The following SUGCT variants were observed in gnomAD, a reference collection of about 807,000 sequenced individuals.
SUGCT encodes succinyl-CoA:glutarate CoA-transferase.
A neutral mutation model predicts 55.0 loss-of-function variants in SUGCT; 41 were observed. The observed-to-expected ratio is 0.74, with a 90% confidence interval of 0.58 to 0.97. SUGCT has a LOEUF of 0.97. Ranked by LOEUF, SUGCT falls within the 50% of genes least tolerant of loss-of-function variation. The pLI is 0.00. For missense variants in SUGCT, 568 were observed against 547.8 expected (o/e 1.04, Z -0.37); for synonymous variants, 187 against 200.4 (o/e 0.93, Z 0.56).
chr7:40,581,248 C>G (rs1270157820), intron 12 of SUGCT, among the ~76,000 whole-genome samples: 1 of 152,048 alleles, frequency 6.6e-6, no homozygotes, highest in Non-Finnish European at 1.5e-5. Context: ...ATTAAAAACT[C>G]TATAATTGCA....
intron 10 of SUGCT, among the ~76,000 whole-genome samples, chr7:40,454,619 A>G (rs988829231): frequency 5.4e-4 from 1 of 1,842 alleles, no homozygotes; most frequent in Admixed American, 3.0e-3. Flanking sequence ...CCAGAGGGGG[A>G]AAAAATGTAT....
At chr7:40,278,858 G>T (rs1212201662) in intron 8 of SUGCT, among the ~76,000 whole-genome samples, 4 of 148,420 alleles carry the variant, frequency 2.7e-5, no homozygotes, top group Non-Finnish European at 5.9e-5. Flanking sequence ...ATACGGTCTC[G>T]TGCTTTTGTC....
intron 13 of SUGCT, among the ~76,000 whole-genome samples, chr7:40,776,777 C>G (rs2128733365): frequency 6.6e-6 from 1 of 152,244 alleles, no homozygotes. Context: ...CCTCCCATGC[C>G]AGTGACAGAC....
At chr7:40,543,503 A>C (rs1478880840) in intron 12 of SUGCT, among the ~76,000 whole-genome samples, 1 of 152,188 alleles carries the variant, frequency 6.6e-6, no homozygotes, top group Non-Finnish European at 1.5e-5. Flanking sequence ...AACATCTTGC[A>C]GTTTGAAGAA....
At chr7:40,337,243 TTCTGTAGATG>T (rs1050305615) in intron 9 of SUGCT, among the ~76,000 whole-genome samples, 2 of 152,098 alleles carry the variant, frequency 1.3e-5, no homozygotes, top group Non-Finnish European at 2.9e-5. Context: ...GGATGGAGAG[TTCTGTAGATG>T]TCTATTACTT....
intron 9 of SUGCT, among the ~76,000 whole-genome samples, chr7:40,434,000 A>C (rs7782940): frequency 6.6e-6 from 1 of 152,096 alleles, no homozygotes; most frequent in Non-Finnish European, 1.5e-5. Flanking sequence ...TACATACCAC[A>C]TATGTTATTA....
chr7:40,148,439 G>A (rs1275951804), intron 1 of SUGCT, among the ~76,000 whole-genome samples: 3 of 152,138 alleles, frequency 2.0e-5, no homozygotes, highest in African/African-American at 4.8e-5. Flanking sequence ...GAGGTCGAGA[G>A]TTGGAGACCA....
At chr7:40,351,982 G>A (rs1238062247) in intron 9 of SUGCT, among the ~76,000 whole-genome samples, 1 of 152,180 alleles carries the variant, frequency 6.6e-6, no homozygotes, top group Admixed American at 6.5e-5. Context: ...GTGTTGCTGG[G>A]CATTAAGAGT....
intron 6 of SUGCT, among the ~76,000 whole-genome samples, chr7:40,206,040 A>G (rs940702855): frequency 2.6e-5 from 4 of 152,208 alleles, no homozygotes; most frequent in African/African-American, 9.6e-5. Flanking sequence ...CAGTAAAAGG[A>G]AAAAGATGAC....
chr7:40,906,382 A>T, the SUGCT span, among the ~76,000 whole-genome samples: 1 of 152,198 alleles, frequency 6.6e-6, no homozygotes, highest in South Asian at 2.1e-4. Flanking sequence ...TGAGTCTTGG[A>T]TATATTTAAT....
Position 40,449,335 on chromosome 7 carries a change from C to A in SUGCT, c.865C>A (p.Gln289Lys). The change falls in exon 10 of 14, where the codon CAG becomes AAG. Residue 289 changes from glutamine to lysine, a missense_variant. Coordinates refer to ENST00000335693, the MANE Select transcript of SUGCT (RefSeq NM_001193313.2). ...GYIVVGAGNN[Q>K]QFATVCKILD... is the part of the protein sequence containing the mutation. ...TATTGTAGTTGGAGCAGGAAATAACCAGCAGTTTGCCACCGTCTGCAAGGT... is the reference window on the plus strand; with the variant it reads ...TATTGTAGTTGGAGCAGGAAATAACAAGCAGTTTGCCACCGTCTGCAAGGT... The A allele has an allele frequency of 6.2e-7, 1 of 1,612,162 alleles. No individual in the cohort carries two copies. Among genetic ancestry groups the A allele is most frequent in the East Asian group, 2.2e-5 (1 of 44,798 alleles).
chr7:40,296,873 C>T (rs979431543), intron 8 of SUGCT, among the ~76,000 whole-genome samples: 24 of 152,082 alleles, frequency 1.6e-4, no homozygotes, highest in Non-Finnish European at 3.1e-4. Context: ...GGAGCATGGA[C>T]TCTGGAGCCA....
chr7:40,857,402 C>T (rs1794236333), intron 13 of SUGCT, among the ~76,000 whole-genome samples: 1 of 152,126 alleles, frequency 6.6e-6, no homozygotes, highest in Non-Finnish European at 1.5e-5. Context: ...TTTATTTGTC[C>T]CGTTGCAGTC....
At chr7:40,282,622 G>T (rs1163855335) in intron 8 of SUGCT, among the ~76,000 whole-genome samples, 1 of 152,148 alleles carries the variant, frequency 6.6e-6, no homozygotes, top group East Asian at 1.9e-4. Flanking sequence ...CAGTGCAGTG[G>T]CCTGTAATCC....
intron 7 of SUGCT, among the ~76,000 whole-genome samples, chr7:40,246,438 C>T (rs1053224866): frequency 2.6e-5 from 4 of 151,740 alleles, no homozygotes; most frequent in Non-Finnish European, 5.9e-5. Flanking sequence ...TTGGTAGAGA[C>T]TGGGTTTCAC....
chr7:40,461,620 A>C (rs540784650), intron 11 of SUGCT, among the ~76,000 whole-genome samples: 1 of 152,218 alleles, frequency 6.6e-6, no homozygotes, highest in East Asian at 1.9e-4. Flanking sequence ...CAGAAGTACA[A>C]TCAACGTTAG....
At chr7:40,634,929 GA>G (rs1475800663) in intron 12 of SUGCT, among the ~76,000 whole-genome samples, 1 of 152,112 alleles carries the variant, frequency 6.6e-6, no homozygotes, top group Non-Finnish European at 1.5e-5. Context: ...TTAAATGTTT[GA>G]AAAAGACTCT....
intron 13 of SUGCT, among the ~76,000 whole-genome samples, chr7:40,826,324 T>G (rs1012483261): frequency 6.6e-6 from 1 of 151,826 alleles, no homozygotes; most frequent in African/African-American, 2.4e-5. Context: ...TAAGATTATA[T>G]TTTATGATTT....
intron 11 of SUGCT, among the ~76,000 whole-genome samples, chr7:40,494,821 A>AT (rs1791882028): frequency 6.6e-6 from 1 of 151,888 alleles, no homozygotes; most frequent in South Asian, 2.1e-4. Context: ...CATTTATTCC[A>AT]TTTTTTTCTT....
Sources: gnomAD v4.1 joint callset for allele counts (sites outside exome capture counted in the v4.1 genomes callset) on GRCh38, gnomAD v4.1.1 for gene constraint, MANE v1.5 for transcripts, NCBI Gene and HGNC (gene_info 2026-07-23, HGNC 2026-07-21) for gene names.